SOX5: variants seen among roughly 807,000 people sequenced by gnomAD.
SOX5 encodes the protein SRY-box transcription factor 5, also known as transcription factor SOX-5.
SOX5 carries 9 observed loss-of-function variants against 92.0 expected under a neutral mutation model. The ratio of observed to expected loss-of-function variants is 0.10; its 90% CI spans 0.06 to 0.17. The LOEUF (loss-of-function observed/expected upper bound fraction) is 0.17. Ranked by LOEUF, SOX5 falls within the 10% of genes least tolerant of loss-of-function variation. The probability of loss-of-function intolerance (pLI) is 1.00; values close to 1 mark genes in which losing one functional copy is unlikely to be tolerated. For missense variants in SOX5, 642 were observed against 944.5 expected (o/e 0.68, Z 4.20); for synonymous variants, 344 against 336.3 (o/e 1.02, Z -0.25).
In SOX5 at chr12:23,707,608, G is replaced by A. The variant is rs749503849; in HGVS notation, c.810+27076C>T. On this transcript the variant is annotated intron_variant, in intron 6 of 14. Transcript: ENST00000451604. ...GTATTTAAAAATATCATAATTTATA[G>A]GATCATTTCACTTTCATGGTCTCGA... Among the ~76,000 whole-genome samples, 208 of 152,128 alleles carry A rather than the reference G, an allele frequency of 1.4e-3. 2 individuals are homozygous for A. The highest frequency in any genetic ancestry group is 1.8e-3 in the Non-Finnish European group (123 of 67,998).
At chr12:24,449,911 C>A (rs2137306168) in intron 1 of SOX5, among the ~76,000 whole-genome samples, 1 of 152,204 alleles carries the variant, frequency 6.6e-6, no homozygotes, top group Admixed American at 6.5e-5. Flanking sequence ...TGAAGTGTTC[C>A]CTAGCCCCCA....
intron 4 of SOX5, among the ~76,000 whole-genome samples, chr12:23,961,761 C>T (rs766203258): frequency 2.6e-5 from 4 of 152,202 alleles, no homozygotes; most frequent in Non-Finnish European, 5.9e-5. Context: ...TACCACTGCA[C>T]TCTTTACCAG....
intron 8 of SOX5, among the ~76,000 whole-genome samples, chr12:23,628,389 T>G (rs548847878): frequency 6.6e-6 from 1 of 152,106 alleles, no homozygotes; most frequent in Non-Finnish European, 1.5e-5. Context: ...CAATATTTTC[T>G]ATAGTTCTGC....
At chr12:24,330,567 T>C (rs373297659) in intron 2 of SOX5, among the ~76,000 whole-genome samples, 1 of 152,246 alleles carries the variant, frequency 6.6e-6, no homozygotes, top group East Asian at 1.9e-4. Context: ...ATATCCTGTA[T>C]TAGCTTCACT....
intron 1 of SOX5, among the ~76,000 whole-genome samples, chr12:24,496,543 G>A (rs928319156): frequency 3.3e-5 from 5 of 152,086 alleles, no homozygotes; most frequent in African/African-American, 1.2e-4. Flanking sequence ...GGTAACTTAT[G>A]TAATGTTACT....
intron 3 of SOX5, among the ~76,000 whole-genome samples, chr12:23,836,110 A>G (rs2135743908): frequency 6.6e-6 from 1 of 152,026 alleles, no homozygotes; most frequent in South Asian, 2.1e-4. Flanking sequence ...TCCCTTCAAT[A>G]CATAATTATA....
chr12:24,392,483 C>T (rs1338874125), intron 1 of SOX5, among the ~76,000 whole-genome samples: 1 of 152,006 alleles, frequency 6.6e-6, no homozygotes. Flanking sequence ...CTGCCATTTT[C>T]TCTCCCCAGA....
Position 23,531,589 on chromosome 12 carries a change from CAG to C in SOX5, c.*2628_*2629del, listed in dbSNP as rs1443484439. 1 of 152,022 alleles carries C rather than the reference CAG, an allele frequency of 6.6e-6. No homozygotes were observed. Among genetic ancestry groups the C allele is most frequent in the East Asian group, 1.9e-4 (1 of 5,196 alleles). The allele number at this position is 152,022 out of a possible 1,614,324, so 9.4% of individuals were successfully genotyped here. A position where few individuals can be genotyped will look rare whatever the true frequency, so the allele number is the denominator to read the frequency against. On this transcript the variant is annotated 3_prime_UTR_variant, in exon 15 of 15. Coordinates refer to ENST00000451604, the MANE Select transcript of SOX5 (RefSeq NM_006940.6). ...ATCGGAAGGAATTTGTTAACAAAGA[CAG>C]AGAACAAATTTTTTAAAAATCTGTT...
At chr12:24,341,663 T>G (rs1019017414) in intron 2 of SOX5, among the ~76,000 whole-genome samples, 7 of 152,238 alleles carry the variant, frequency 4.6e-5, no homozygotes, top group Non-Finnish European at 1.0e-4. Context: ...TAGTTTCCAG[T>G]GCTAACTAGC....
At chr12:23,756,414 C>T (rs1049685086) in intron 3 of SOX5, among the ~76,000 whole-genome samples, 28 of 151,808 alleles carry the variant, frequency 1.8e-4, no homozygotes, top group African/African-American at 6.3e-4. Flanking sequence ...AAGCAAGGTG[C>T]TGCTTTAGTC....
rs748737705 is a variant in SOX5 at position 24,205,855 on chromosome 12, A to G, written c.-2+7488T>C. 1.2e-4 allele frequency among the ~76,000 whole-genome samples: 18 copies of G among 152,340 alleles called. No homozygotes were observed. In the Middle Eastern group the frequency reaches 0.01, roughly 86 times the overall value. ...TTACGTACAAGCATCCTATTAAAAG[A>G]GCTTTTAAAAGACTGAAATTTGATT... On this transcript the variant is annotated intron_variant, in intron 4 of 4. Coordinates refer to the SOX5 transcript ENST00000446891.
chr12:23,734,284 C>T (rs542429617), intron 6 of SOX5, among the ~76,000 whole-genome samples: 56 of 152,202 alleles, frequency 3.7e-4, no homozygotes, highest in Non-Finnish European at 6.8e-4. Flanking sequence ...ACATGGCTCT[C>T]GGGCATGCAA....
chr12:24,307,913 C>T (rs896795126), intron 2 of SOX5, among the ~76,000 whole-genome samples: 11 of 152,190 alleles, frequency 7.2e-5, no homozygotes, highest in Non-Finnish European at 1.6e-4. Context: ...GCTCCCCCAA[C>T]CCCACCAGGA....
chr12:23,913,223 C>T (rs2097370909), intron 1 of SOX5, among the ~76,000 whole-genome samples: 1 of 152,026 alleles, frequency 6.6e-6, no homozygotes, highest in Admixed American at 6.6e-5. Flanking sequence ...TAAATATATG[C>T]TTTAAATTGG....
intron 1 of SOX5, among the ~76,000 whole-genome samples, chr12:24,429,623 C>CAT (rs1176759484): frequency 4.8e-5 from 7 of 146,764 alleles, no homozygotes; most frequent in Non-Finnish European, 1.1e-4. Context: ...CACACACACA[C>CAT]ATACACACAC....
Position 23,644,806 on chromosome 12 carries a change from A to C in SOX5, c.932-3909T>G, listed in dbSNP as rs573877150. On this transcript the variant is annotated intron_variant, in intron 7 of 14. Coordinates refer to ENST00000451604, the MANE Select transcript of SOX5 (RefSeq NM_006940.6). Reference sequence around the variant, plus strand: ...AGATATTTAAAAGCTAAATTCATGCAAACTAGTTAAAATTGTAAATACTAT... The same window carrying C: ...AGATATTTAAAAGCTAAATTCATGCCAACTAGTTAAAATTGTAAATACTAT... Among the ~76,000 whole-genome samples the C allele has an allele frequency of 3.9e-5, 6 of 152,342 alleles. 1 individual carries two copies. The South Asian group carries it at 1.2e-3, about 32-fold the overall frequency.
At chr12:23,879,484 T>C (rs1387350875) in intron 2 of SOX5, among the ~76,000 whole-genome samples, 1 of 152,168 alleles carries the variant, frequency 6.6e-6, no homozygotes, top group Non-Finnish European at 1.5e-5. Flanking sequence ...AATAACCCCA[T>C]GTGTATGAAC....
intron 3 of SOX5, among the ~76,000 whole-genome samples, chr12:23,809,931 A>G (rs2095848436): frequency 6.6e-6 from 1 of 152,154 alleles, no homozygotes; most frequent in South Asian, 2.1e-4. Flanking sequence ...CTTATGATTT[A>G]AAATGTTCAA....
chr12:23,992,649 G>A (rs1231748211), intron 4 of SOX5, among the ~76,000 whole-genome samples: 1 of 152,084 alleles, frequency 6.6e-6, no homozygotes, highest in Non-Finnish European at 1.5e-5. Context: ...TCTGAAGAAT[G>A]CATGTATAGA....
Sources: gnomAD v4.1 joint callset for allele counts (sites outside exome capture counted in the v4.1 genomes callset) on GRCh38, gnomAD v4.1.1 for gene constraint, MANE v1.5 for transcripts, NCBI Gene and HGNC (gene_info 2026-07-23, HGNC 2026-07-21) for gene names.